The following PHACTR2 variants were observed in gnomAD, a reference collection of about 807,000 sequenced individuals.
The protein encoded by PHACTR2 is phosphatase and actin regulator 2.
In PHACTR2, 30 loss-of-function variants were observed where a neutral mutation model predicts 76.0. That is an observed-to-expected ratio of 0.39 (90% CI 0.30 to 0.54). The LOEUF is 0.54. PHACTR2 is among the 20% of genes least tolerant of loss of function. The pLI is 0.61. For synonymous variants in PHACTR2, 292 were observed against 292.5 expected, an observed-to-expected ratio of 1.00 and a Z score of 0.02; for missense variants, 696 against 781.1, an observed-to-expected ratio of 0.89 and a Z score of 1.30.
chr6:143,739,708 T>A lies in PHACTR2; in HGVS notation c.215-9277T>A, dbSNP rs1316060098. Among the ~76,000 whole-genome samples, 2 of 152,174 alleles carry A rather than the reference T, an allele frequency of 1.3e-5. No homozygotes were observed. Among genetic ancestry groups the A allele is most frequent in the Admixed American group, 1.3e-4 (2 of 15,284 alleles). On this transcript the variant is annotated intron_variant, in intron 2 of 12. Coordinates refer to ENST00000440869, the MANE Select transcript of PHACTR2 (RefSeq NM_001100164.2). This position sits in a 1 kb window ranked among gnomAD's most constrained non-coding sequence, Gnocchi z 4.3. The stretch of plus-strand genomic sequence containing the variant: ...GAGATTGCTTGTACTTCCTGGCCCT[T>A]CTGGGATTGAGGACTTGCTCATTGT...
At chr6:143,748,066 A>ATTTTTTT (rs142599644) in intron 2 of PHACTR2, among the ~76,000 whole-genome samples, 1 of 150,674 alleles carries the variant, frequency 6.6e-6, no homozygotes, top group Non-Finnish European at 1.5e-5. Flanking sequence ...ACTGATTATT[A>ATTTTTTT]TTATTTTTTT....
Position 143,656,379 on chromosome 6 carries a change from T to C in PHACTR2, c.13+48057T>C, listed in dbSNP as rs1776849805. Among the ~76,000 whole-genome samples, 1 of 152,212 alleles carries C rather than the reference T, an allele frequency of 6.6e-6. No homozygotes were observed. The highest frequency in any genetic ancestry group is 1.9e-4 in the East Asian group (1 of 5,196). On this transcript the variant is annotated intron_variant, in intron 1 of 11. Coordinates refer to the PHACTR2 transcript ENST00000305766. The surrounding 1 kb of genome is among the most constrained non-coding windows in gnomAD (Gnocchi z 5.3). ...CTGGGCCACATTGGAAGTAGAATTG[T>C]CTTGGGCCACACATAAAATACACTA... is the stretch of plus-strand genomic sequence containing the variant.
chr6:143,634,536 A>G (rs1776418280), intron 1 of PHACTR2, among the ~76,000 whole-genome samples: 1 of 152,236 alleles, frequency 6.6e-6, no homozygotes, highest in African/African-American at 2.4e-5. Flanking sequence ...GCCTTGTGCT[A>G]CTGATCAGTT....
Position 143,830,886 on chromosome 6 carries a change from A to G in PHACTR2, c.*7197A>G, listed in dbSNP as rs879058834. ...GGATAGTGCTCAGCCTTTTTAAATGAAAAAAGAAAAAAGAGTAAGACAACT... is the reference window on the plus strand; with the variant it reads ...GGATAGTGCTCAGCCTTTTTAAATGGAAAAAGAAAAAAGAGTAAGACAACT... On this transcript the variant is annotated 3_prime_UTR_variant, in exon 13 of 13. Transcript: ENST00000440869. The G allele has an allele frequency of 6.6e-6, 1 of 152,212 alleles. No homozygotes were observed. The highest frequency in any genetic ancestry group is 2.1e-4 in the South Asian group (1 of 4,834). The allele number at this position is 152,212 out of a possible 1,614,324, so 9.4% of individuals were successfully genotyped here. A position where few individuals can be genotyped will look rare whatever the true frequency, so the allele number is the denominator to read the frequency against.
At position 143,791,014 on chromosome 6, in the gene PHACTR2, A is replaced by T. The variant is rs1403047263; in HGVS notation, c.1845+2104A>T. ...AAACTTAATACAGTCGAATTTATCA[A>T]CCTTTTTCTTTATGGCTTATGATTT... On this transcript the variant is annotated intron_variant, in intron 11 of 12. Transcript: ENST00000440869. The surrounding 1 kb of genome is among the most constrained non-coding windows in gnomAD (Gnocchi z 4.7). 6.6e-6 allele frequency among the ~76,000 whole-genome samples: 1 copy of T among 152,132 alleles called. No homozygotes were observed. The highest frequency in any genetic ancestry group is 2.4e-5 in the African/African-American group (1 of 41,414).
rs1184896012 is a variant in PHACTR2, at chr6:143,782,027, A to G, written c.1646-1192A>G. 6.6e-6 allele frequency among the ~76,000 whole-genome samples: 1 copy of G among 152,230 alleles called. No individual in the cohort carries two copies. The highest frequency in any genetic ancestry group is 2.4e-5 in the African/African-American group (1 of 41,454). On this transcript the variant is annotated intron_variant, in intron 9 of 12. Transcript: ENST00000440869. This position sits in a 1 kb window ranked among gnomAD's most constrained non-coding sequence, Gnocchi z 4.6. ...CAACTAACAAATACAGCTGTTGCAAATATTGAATACTGATATGTTATTCAC... is the reference window on the plus strand; with the variant it reads ...CAACTAACAAATACAGCTGTTGCAAGTATTGAATACTGATATGTTATTCAC...
intron 1 of PHACTR2, among the ~76,000 whole-genome samples, chr6:143,615,353 T>C (rs767303604): frequency 5.3e-5 from 8 of 152,212 alleles, no homozygotes; most frequent in Non-Finnish European, 1.0e-4. Context: ...AGTAAGTGTA[T>C]AGTAAATGTT....
At chr6:143,702,106 G>A (rs1181532137) in intron 1 of PHACTR2, among the ~76,000 whole-genome samples, 3 of 146,694 alleles carry the variant, frequency 2.0e-5, no homozygotes, top group Admixed American at 1.4e-4. Context: ...TGCTTGTCCT[G>A]ATTGTGCAAT....
intron 1 of PHACTR2, among the ~76,000 whole-genome samples, chr6:143,563,733 T>A (rs1426101600): frequency 6.6e-6 from 1 of 151,466 alleles, no homozygotes; most frequent in African/African-American, 2.4e-5. Flanking sequence ...CGGTGGCTCA[T>A]GCCTGTAATC....
At chr6:143,796,114 G>A (rs937809748) in intron 11 of PHACTR2, among the ~76,000 whole-genome samples, 2 of 152,166 alleles carry the variant, frequency 1.3e-5, no homozygotes, top group African/African-American at 2.4e-5. Context: ...GGAACACAGT[G>A]TCTAAACAGG....
At chr6:143,649,817 A>G (rs766345654) in intron 1 of PHACTR2, among the ~76,000 whole-genome samples, 61 of 152,338 alleles carry the variant, frequency 4.0e-4, no homozygotes, top group Middle Eastern at 6.8e-3. Context: ...ACTCCTATTC[A>G]ACACAGTATT....
rs769139863 is a variant in PHACTR2, at chr6:143,596,062, T to G, written c.217+58855T>G. Among the ~76,000 whole-genome samples the G allele has an allele frequency of 6.6e-6, 1 of 152,224 alleles. No individual in the cohort carries two copies. Among genetic ancestry groups the G allele is most frequent in the Admixed American group, 6.5e-5 (1 of 15,272 alleles). On this transcript the variant is annotated intron_variant, in intron 1 of 11. Transcript: ENST00000367584. This position sits in a 1 kb window ranked among gnomAD's most constrained non-coding sequence, Gnocchi z 4.6. ...TTGAGAATGATTCAGTTGGCGGAGA[T>G]TCTATAAATTTAGATAATTTACTAA...
At chr6:143,682,820 C>G (rs1166591606) in intron 1 of PHACTR2, among the ~76,000 whole-genome samples, 2 of 151,460 alleles carry the variant, frequency 1.3e-5, no homozygotes, top group East Asian at 3.9e-4. Context: ...GTGCTATTAG[C>G]TATGGGTTTC....
At chr6:143,715,959 AGC>A (rs1778291605) in intron 2 of PHACTR2, among the ~76,000 whole-genome samples, 1 of 152,196 alleles carries the variant, frequency 6.6e-6, no homozygotes, top group Non-Finnish European at 1.5e-5. Context: ...AGTGCAACGT[AGC>A]TTTTTTGCTA....
rs1034040307 is a variant in PHACTR2 at position 143,787,706 on chromosome 6, A to C, written c.1708-1067A>C. On this transcript the variant is annotated intron_variant, in intron 10 of 12. Coordinates refer to ENST00000440869, the MANE Select transcript of PHACTR2 (RefSeq NM_001100164.2). This position sits in a 1 kb window ranked among gnomAD's most constrained non-coding sequence, Gnocchi z 4.6. ...GATGGGAGAATCGCTTGAGCCCAAG[A>C]GTTCAAGACCAGCCTGAGCAACATA... Among the ~76,000 whole-genome samples, 1 of 152,280 alleles carries C rather than the reference A, an allele frequency of 6.6e-6. No individual in the cohort carries two copies. Among genetic ancestry groups the C allele is most frequent in the South Asian group, 2.1e-4 (1 of 4,820 alleles).
rs946878171 is a variant in PHACTR2 at position 143,552,838 on chromosome 6, G to A, written c.217+15631G>A. ...GCAGAGGTTGCAGTGAGCCAAGATC[G>A]TGCCACTGCACTCCAGCCTTGGCAA... On this transcript the variant is annotated intron_variant, in intron 1 of 11. Transcript: ENST00000367584. Among the ~76,000 whole-genome samples, 28 of 146,628 alleles carry A rather than the reference G, an allele frequency of 1.9e-4. No homozygotes were observed. In the East Asian group the frequency reaches 4.4e-3, roughly 23 times the overall value.
In PHACTR2 at chr6:143,710,198, C is replaced by T. The variant is rs899839151; in HGVS notation, c.47-1818C>T. ...CTGGCTTCCATGCTTGTTGGCCTTT[C>T]GAGGTTTCTTACTTCTTCAGCTACG... On this transcript the variant is annotated intron_variant, in intron 1 of 12. Coordinates refer to ENST00000440869, the MANE Select transcript of PHACTR2 (RefSeq NM_001100164.2). The surrounding 1 kb of genome is among the most constrained non-coding windows in gnomAD (Gnocchi z 4.9). 5.3e-5 allele frequency among the ~76,000 whole-genome samples: 8 copies of T among 152,118 alleles called. No individual in the cohort carries two copies. Among genetic ancestry groups the T allele is most frequent in the African/African-American group, 9.6e-5 (4 of 41,500 alleles).
rs371597061 is a variant in PHACTR2 at position 143,695,152 on chromosome 6, G to T, written c.47-16864G>T. On this transcript the variant is annotated intron_variant, in intron 1 of 12. Coordinates refer to ENST00000440869, the MANE Select transcript of PHACTR2 (RefSeq NM_001100164.2). This position sits in a 1 kb window ranked among gnomAD's most constrained non-coding sequence, Gnocchi z 4.4. ...TTGGACCAGGAATTGCCTTGAGATG[G>T]CGAGATACAAGCATTCTACAAAGGC... 3.3e-5 allele frequency among the ~76,000 whole-genome samples: 5 copies of T among 152,252 alleles called. No homozygotes were observed. The highest frequency in any genetic ancestry group is 9.6e-5 in the African/African-American group (4 of 41,528).
intron 1 of PHACTR2, among the ~76,000 whole-genome samples, chr6:143,559,664 A>C (rs1775232906): frequency 6.7e-6 from 1 of 149,694 alleles, no homozygotes. Flanking sequence ...AGAAATATCA[A>C]TAAAAATACC....
Sources: allele counts gnomAD v4.1 joint callset (sites outside exome capture counted in the v4.1 genomes callset), GRCh38; gene constraint gnomAD v4.1.1; non-coding constraint Gnocchi (gnomAD v3.1); transcripts MANE v1.5; gene names NCBI Gene and HGNC (gene_info 2026-07-23, HGNC 2026-07-21).